TMF1: variants seen among roughly 807,000 people sequenced by gnomAD.
TMF1 encodes TATA element modulatory factor 1.
In TMF1, 71 loss-of-function variants were observed where a neutral mutation model predicts 126.5. The observed-to-expected ratio is 0.56, with a 90% CI of 0.46 to 0.68. The LOEUF (loss-of-function observed/expected upper bound fraction) is 0.68. Ranked by LOEUF, TMF1 falls within the 30% of genes least tolerant of loss-of-function variation. The pLI is 0.00. For missense variants in TMF1, 1,259 were observed against 1,253.2 expected (o/e 1.00, Z -0.07); for synonymous variants, 461 against 430.5 (o/e 1.07, Z -0.88).
At position 69,043,851 on chromosome 3, in the gene TMF1, T is replaced by C; in HGVS notation, c.1477A>G (p.Ser493Gly). 1 of 1,608,072 alleles carries C rather than the reference T, an allele frequency of 6.2e-7. No individual in the cohort carries two copies. Among genetic ancestry groups the C allele is most frequent in the African/African-American group, 1.3e-5 (1 of 74,764 alleles). The change falls in exon 4 of 17, where the codon AGC becomes GGC. Residue 493 changes from serine (S) to glycine (G), a missense_variant. By Grantham distance (56) the Ser-to-Gly change is moderately conservative. Coordinates refer to ENST00000398559, the MANE Select transcript of TMF1 (RefSeq NM_007114.3). Reference protein sequence around the residue: ...KDEMFRVKEESSSISSLKDEF... With the variant: ...KDEMFRVKEEGSSISSLKDEF... ...TCTTTCAAGGAAGAAATGCTACTGCTTTCTTCTTTCACTCTGAACATTTCA... is the reference window on the plus strand; with the variant it reads ...TCTTTCAAGGAAGAAATGCTACTGCCTTCTTCTTTCACTCTGAACATTTCA...
At chr3:69,043,291 T>C (rs1189883052) in intron 4 of TMF1, among the ~76,000 whole-genome samples, 2 of 152,116 alleles carry the variant, frequency 1.3e-5, no homozygotes, top group Non-Finnish European at 2.9e-5. Context: ...CACCTCAGCT[T>C]CCCGAGTAGT....
intron 2 of TMF1, 101 bp downstream of exon 2, chr3:69,047,257 A>T: frequency 7.4e-7 from 1 of 1,350,130 alleles, no homozygotes; most frequent in Non-Finnish European, 9.9e-7. Context: ...ATGTTTTTAA[A>T]TCTGTATAAA....
chr3:69,036,837 T>C (rs1050886800), intron 8 of TMF1, among the ~76,000 whole-genome samples: 1 of 152,226 alleles, frequency 6.6e-6, no homozygotes, highest in South Asian at 2.1e-4. Context: ...AGAAGAAAAC[T>C]GATGAAGATC....
In TMF1 at chr3:69,039,681, G is replaced by T. The variant is rs879749084; in HGVS notation, c.1697C>A (p.Ser566Ter). The T allele has an allele frequency of 4.3e-6, 7 of 1,609,210 alleles. No homozygotes were observed. The highest frequency in any genetic ancestry group is 5.9e-6 in the Non-Finnish European group (7 of 1,178,592). Residue 566 changes from serine (S) to a stop codon, truncating the protein, a stop_gained, in exon 6 of 17, where the codon TCA becomes TAA. Coordinates refer to ENST00000398559, the MANE Select transcript of TMF1 (RefSeq NM_007114.3). LOFTEE classifies it high-confidence loss of function. ...RGLMEEGEKL[S>*]KQQLHNSNII... ...GTTAGAATTGTGCAGCTGCTGTTTT[G>T]AAAGTTTTTCTCCTGGTGATGGTAA... is the stretch of plus-strand genomic sequence containing the variant.
intron 9 of TMF1, 62 bp from the exon 10 acceptor site, chr3:69,033,766 C>T: frequency 7.1e-7 from 1 of 1,412,374 alleles, no homozygotes; most frequent in Non-Finnish European, 9.5e-7. Context: ...AAAACACTAG[C>T]AAACCTGAAC....
chr3:69,045,934 T>C (rs1003585259), intron 2 of TMF1, among the ~76,000 whole-genome samples: 16 of 152,068 alleles, frequency 1.1e-4, no homozygotes, highest in Admixed American at 8.5e-4. Context: ...TGCGAGCCTA[T>C]GGTCCCAGCT....
chr3:69,048,407 A>G lies in TMF1; in HGVS notation c.298T>C (p.Phe100Leu), dbSNP rs772022897. Reference sequence around the variant, plus strand: ...GTCTGGACATCAGTTGGCGAGAGAAAGGCACTGAAGAAATTTTCAGATTCA... The same window carrying G: ...GTCTGGACATCAGTTGGCGAGAGAAGGGCACTGAAGAAATTTTCAGATTCA... ...VDESENFFSA[F>L]LSPTDVQTIQ... The change falls in exon 2 of 17, where the codon TTT becomes CTT. Residue 100 changes from phenylalanine to leucine, a missense_variant. Physicochemically the swap from Phe to Leu is conservative, Grantham distance 22. Coordinates refer to ENST00000398559, the MANE Select transcript of TMF1 (RefSeq NM_007114.3). 5.9e-5 allele frequency: 95 copies of G among 1,614,036 alleles called. No homozygotes were observed. In the African/African-American group the frequency reaches 1.0e-3, roughly 17 times the overall value.
In TMF1 at chr3:69,047,439, A is replaced by G; in HGVS notation, c.1266T>C (p.Thr422=). The change falls in exon 2 of 17, where the codon ACT becomes ACC. Residue 422 remains threonine, a synonymous_variant. Transcript: ENST00000398559. ...VSSTPINEGQ[T]VLDKVAEQCE... ...ACTGCTCAGCCACCTTGTCTAACAC[A>G]GTCTGTCCTTCATTTATTGGTGTGG... 6.2e-7 allele frequency: 1 copy of G among 1,614,194 alleles called. No homozygotes were observed. Among genetic ancestry groups the G allele is most frequent in the Non-Finnish European group, 8.5e-7 (1 of 1,180,028 alleles).
chr3:69,022,339 G>T lies in TMF1; in HGVS notation c.*838C>A, dbSNP rs984078778. 3.9e-5 allele frequency: 6 copies of T among 152,086 alleles called. No individual in the cohort carries two copies. Among genetic ancestry groups the T allele is most frequent in the Non-Finnish European group, 8.8e-5 (6 of 67,978 alleles). 9.4% of individuals were successfully genotyped at this position (152,086 alleles called of 1,614,324 possible). A position where few individuals can be genotyped will look rare whatever the true frequency, so the allele number is the denominator to read the frequency against. On this transcript the variant is annotated 3_prime_UTR_variant, in exon 17 of 17. Coordinates refer to ENST00000398559, the MANE Select transcript of TMF1 (RefSeq NM_007114.3). ...ATTTTTAAAGAGTAAATTATGTTAA[G>T]AACTTTATTATTTTCGATTCATTTT...
chr3:69,037,486 AC>A (rs1225632472), intron 8 of TMF1, among the ~76,000 whole-genome samples: 2 of 151,998 alleles, frequency 1.3e-5, no homozygotes, highest in Non-Finnish European at 2.9e-5. Context: ...CTAAAAAAAA[AC>A]AAAAATTAGC....
rs781643362 is a variant in TMF1 at position 69,048,380 on chromosome 3, T to G, written c.325A>C (p.Ile109Leu). Residue 109 changes from isoleucine (I) to leucine (L), a missense_variant, in exon 2 of 17, where the codon ATT becomes CTT. Ile to Leu is a conservative substitution (Grantham distance 5). Transcript: ENST00000398559. ...AFLSPTDVQT[I>L]QKSPVVSKPP... ...TTTGATACCACTGGACTCTTCTGAA[T>G]GGTCTGGACATCAGTTGGCGAGAGA... 48 of 1,614,070 alleles carry G rather than the reference T, an allele frequency of 3.0e-5. No homozygotes were observed. Among genetic ancestry groups the G allele is most frequent in the Non-Finnish European group, 3.8e-5 (45 of 1,180,050 alleles).
intron 15 of TMF1, 85 bp from the exon 16 acceptor site, chr3:69,024,265 G>GT: frequency 6.2e-6 from 7 of 1,122,868 alleles, no homozygotes; most frequent in South Asian, 1.9e-5. Context: ...TAATGTGTGT[G>GT]TGGTTTTTTT....
In TMF1 at chr3:69,035,084, G is replaced by C. The variant is rs755851674; in HGVS notation, c.2183C>G (p.Thr728Arg). The change falls in exon 9 of 17, where the codon ACA (threonine) becomes AGA (arginine). Residue 728 changes from threonine (T) to arginine (R), a missense_variant. Thr to Arg is a moderately conservative substitution (Grantham distance 71). Coordinates refer to ENST00000398559, the MANE Select transcript of TMF1 (RefSeq NM_007114.3). ...VGDLRLALQR[T>R]EQAAARKEDY... ...CTCCTTTCTGGCAGCCGCTTGTTCT[G>C]TACGCTGCAATGCAAGCCTAAGGTC... 1.2e-6 allele frequency: 2 copies of C among 1,614,114 alleles called. No homozygotes were observed. Among genetic ancestry groups the C allele is most frequent in the Non-Finnish European group, 1.7e-6 (2 of 1,180,012 alleles).
chr3:69,037,339 A>G (rs1409339601), intron 8 of TMF1, among the ~76,000 whole-genome samples: 1 of 151,400 alleles, frequency 6.6e-6, no homozygotes, highest in African/African-American at 2.4e-5. Flanking sequence ...CTAAAAATAC[A>G]AAAAAAAATT....
At chr3:69,029,588 C>T (rs967609450) in intron 11 of TMF1, among the ~76,000 whole-genome samples, 5 of 151,836 alleles carry the variant, frequency 3.3e-5, no homozygotes, top group African/African-American at 1.2e-4. Context: ...GGATTACAGG[C>T]GCACACCATC....
intron 8 of TMF1, among the ~76,000 whole-genome samples, chr3:69,037,311 G>A (rs1449932884): frequency 3.3e-5 from 5 of 151,918 alleles, no homozygotes; most frequent in East Asian, 1.9e-4. Flanking sequence ...TGGCTAACAC[G>A]CTGAAACCCC....
intron 15 of TMF1, 156 bp from the exon 16 acceptor site, chr3:69,024,336 G>C (rs1035094727): frequency 1.7e-6 from 1 of 598,954 alleles, no homozygotes; most frequent in Non-Finnish European, 2.6e-6. Context: ...TTAAGTAAAG[G>C]AAACAGTGGC....
intron 13 of TMF1, 126 bp from the exon 14 acceptor site, chr3:69,026,223 A>T (rs1051165342): frequency 5.2e-6 from 3 of 571,718 alleles, no homozygotes; most frequent in Non-Finnish European, 6.2e-6. Context: ...CTACAAAGGA[A>T]TTCAATACAA....
intron 2 of TMF1, 98 bp downstream of exon 2, chr3:69,047,260 T>C (rs1226251069): frequency 2.0e-5 from 27 of 1,362,494 alleles, no homozygotes; most frequent in Non-Finnish European, 2.0e-6. Context: ...TTTTTAAATC[T>C]GTATAAATTA....
Sources: gnomAD v4.1 joint callset for allele counts (sites outside exome capture counted in the v4.1 genomes callset) on GRCh38, gnomAD v4.1.1 for gene constraint, MANE v1.5 for transcripts, NCBI Gene and HGNC (gene_info 2026-07-23, HGNC 2026-07-21) for gene names.